Variants in RYR2 observed in about 807,000 individuals in gnomAD.
RYR2 encodes ryanodine receptor 2.
Under a neutral mutation model 601.1 loss-of-function variants are expected in RYR2, and 227 were observed. That is an observed-to-expected ratio of 0.38 (90% CI 0.34 to 0.42). The LOEUF (loss-of-function observed/expected upper bound fraction) is 0.42. Among genes scored for constraint, RYR2 ranks in the 10% least tolerant of loss-of-function variants. RYR2 has a pLI of 1.00. For missense variants in RYR2, 4,646 were observed against 6,156.5 expected (o/e 0.75, Z 8.21); for synonymous variants, 2,223 against 2,175.1 (o/e 1.02, Z -0.61).
intron 1 of RYR2, among the ~76,000 whole-genome samples, chr1:237,220,403 G>C (rs1404307828): frequency 6.6e-6 from 1 of 152,178 alleles, no homozygotes; most frequent in Non-Finnish European, 1.5e-5. Context: ...GTGGTGTGCT[G>C]TTGGCTGCCT....
chr1:237,447,968 C>T (rs1657590818), intron 14 of RYR2, among the ~76,000 whole-genome samples: 1 of 151,654 alleles, frequency 6.6e-6, no homozygotes, highest in East Asian at 1.9e-4. Context: ...CATTCTGTCG[C>T]CCAGACTAGA....
At position 237,614,013 on chromosome 1, in the gene RYR2, T is replaced by TA; in HGVS notation, c.4911-25dup. The TA allele has an allele frequency of 6.3e-7, 1 of 1,586,658 alleles. No individual in the cohort carries two copies. The highest frequency in any genetic ancestry group is 2.2e-5 in the East Asian group (1 of 44,476). On this transcript the variant is annotated intron_variant, in intron 36 of 104. Transcript: ENST00000366574. This position sits in a 1 kb window ranked among gnomAD's most constrained non-coding sequence, Gnocchi z 4.3. ...TTAAAAAATCATTCATTTCTAATCT[T>TA]ACTACCACTCTCCTCCCTTCTACAG...
chr1:237,263,881 T>C (rs776378370), intron 1 of RYR2, among the ~76,000 whole-genome samples: 2 of 151,600 alleles, frequency 1.3e-5, no homozygotes, highest in Non-Finnish European at 2.9e-5. Context: ...CTCAGAAAAA[T>C]TTAAAAAAAG....
intron 12 of RYR2, among the ~76,000 whole-genome samples, chr1:237,427,894 A>G (rs1706354613): frequency 6.6e-6 from 1 of 151,666 alleles, no homozygotes; most frequent in Non-Finnish European, 1.5e-5. Flanking sequence ...ATTGCATGGT[A>G]TTGAAGAGTG....
intron 27 of RYR2, among the ~76,000 whole-genome samples, chr1:237,554,116 G>A (rs1340192573): frequency 6.6e-6 from 1 of 151,904 alleles, no homozygotes; most frequent in Admixed American, 6.6e-5. Context: ...CATTAAGTAT[G>A]ATGTTAAGTA....
At chr1:237,612,684 C>A (rs1182990792) in intron 36 of RYR2, among the ~76,000 whole-genome samples, 2 of 152,008 alleles carry the variant, frequency 1.3e-5, no homozygotes, top group South Asian at 2.1e-4. Flanking sequence ...AAAACAAACA[C>A]AACATTTGGG....
chr1:237,260,839 A>G (rs1469723560), intron 1 of RYR2, among the ~76,000 whole-genome samples: 1 of 152,220 alleles, frequency 6.6e-6, no homozygotes, highest in Non-Finnish European at 1.5e-5. Flanking sequence ...GTCATGGAAC[A>G]ATGATAAACA....
intron 22 of RYR2, among the ~76,000 whole-genome samples, chr1:237,504,354 G>T (rs1010456337): frequency 2.4e-4 from 36 of 152,108 alleles, no homozygotes; most frequent in Non-Finnish European, 3.8e-4. Flanking sequence ...GGCAGGGGTG[G>T]ATCTCACAAA....
In RYR2 at chr1:237,242,198, T is replaced by TTTTTGTTTG. The variant is rs928421124; in HGVS notation, c.49-28296_49-28295insTGTTTGTTT. On this transcript the variant is annotated intron_variant, in intron 1 of 104. Coordinates refer to ENST00000366574, the MANE Select transcript of RYR2 (RefSeq NM_001035.3). ...TAAACAGTATTTTGATCACTGTTTTTTTTGTTTGTTTGTTTGTTTGTTTGT... is the reference window on the plus strand; with the variant it reads ...TAAACAGTATTTTGATCACTGTTTTTTTTTGTTTGTTTGTTTGTTTGTTTGTTTGTTTGT... 3.7e-3 allele frequency among the ~76,000 whole-genome samples: 561 copies of TTTTTGTTTG among 150,604 alleles called. 4 individuals are homozygous for TTTTTGTTTG. Among genetic ancestry groups the TTTTTGTTTG allele is most frequent in the African/African-American group, 0.013 (533 of 40,868 alleles).
At chr1:237,141,244 AG>A (rs1673358583) in intron 1 of RYR2, among the ~76,000 whole-genome samples, 1 of 152,208 alleles carries the variant, frequency 6.6e-6, no homozygotes, top group Non-Finnish European at 1.5e-5. Flanking sequence ...TGACTTCAAG[AG>A]GGATTTCTAA....
chr1:237,299,506 A>C (rs1421958108), intron 2 of RYR2, among the ~76,000 whole-genome samples: 1 of 152,200 alleles, frequency 6.6e-6, no homozygotes, highest in Non-Finnish European at 1.5e-5. Context: ...TCAATACTGT[A>C]AAGATAATTT....
intron 62 of RYR2, among the ~76,000 whole-genome samples, chr1:237,683,344 C>T (rs924990477): frequency 3.9e-5 from 6 of 152,124 alleles, no homozygotes; most frequent in Admixed American, 1.3e-4. Context: ...TTTGCTGTAT[C>T]GAAGGTCAGT....
chr1:237,705,114 A>G, intron 66 of RYR2, 99 bp from the exon 67 acceptor site: 1 of 1,045,964 alleles, frequency 9.6e-7, no homozygotes. Flanking sequence ...ATTAGGACCA[A>G]TATTATCATT....
chr1:237,602,094 G>A lies in RYR2; in HGVS notation c.4666G>A (p.Glu1556Lys), dbSNP rs1048532590. ...QATSPNVFQF[E>K]LGRIKNVMPL... ...TACAAGTCCCAATGTTTTCCAGTTT[G>A]AGTTGGGAAGAATAAAGGTAATAAA... The change falls in exon 35 of 105, where the codon GAG (glutamate) becomes AAG (lysine). Residue 1556 changes from glutamate to lysine, a missense_variant. Physicochemically the swap from Glu to Lys is moderately conservative, Grantham distance 56. Around this residue, in one of 17 missense-constraint regions of RYR2, gnomAD observed 1,807 missense variants for 2,088.1 expected, o/e 0.87. Coordinates refer to ENST00000366574, the MANE Select transcript of RYR2 (RefSeq NM_001035.3). 10 of 1,612,292 alleles carry A rather than the reference G, an allele frequency of 6.2e-6. No homozygotes were observed. The highest frequency in any genetic ancestry group is 1.7e-5 in the Admixed American group (1 of 59,874).
intron 12 of RYR2, among the ~76,000 whole-genome samples, chr1:237,431,119 A>C (rs1208350416): frequency 6.6e-6 from 1 of 152,214 alleles, no homozygotes; most frequent in African/African-American, 2.4e-5. Flanking sequence ...TCATTCATAC[A>C]GGTAATTTCA....
intron 27 of RYR2, among the ~76,000 whole-genome samples, chr1:237,556,153 AT>A (rs1670850706): frequency 6.6e-6 from 1 of 152,052 alleles, no homozygotes; most frequent in Non-Finnish European, 1.5e-5. Context: ...TTGCTACCTT[AT>A]GGGTACCTAC....
rs1466540427 is a variant in RYR2 at position 237,635,743 on chromosome 1, G to A, written c.6792+751G>A. ...AGTAAAAATCAAAGATGTTGCAATA[G>A]CTCCTACATCATCTGTTCCTACATA... On this transcript the variant is annotated intron_variant, in intron 44 of 104. Transcript: ENST00000366574. Among the ~76,000 whole-genome samples, 3 of 152,248 alleles carry A rather than the reference G, an allele frequency of 2.0e-5. No homozygotes were observed. The East Asian group carries it at 5.8e-4, about 29-fold the overall frequency.
intron 2 of RYR2, among the ~76,000 whole-genome samples, chr1:237,298,710 GATTT>G (rs1323988341): frequency 6.6e-6 from 1 of 151,860 alleles, no homozygotes; most frequent in Admixed American, 6.6e-5. Context: ...TTTTTTTAAA[GATTT>G]ATTAGCTGGA....
intron 1 of RYR2, among the ~76,000 whole-genome samples, chr1:237,202,223 A>G (rs534514413): frequency 6.6e-6 from 1 of 152,252 alleles, no homozygotes; most frequent in East Asian, 1.9e-4. Flanking sequence ...TATGCCTATG[A>G]ATATATTTTT....
Sources: allele counts gnomAD v4.1 joint callset (sites outside exome capture counted in the v4.1 genomes callset), GRCh38; gene constraint gnomAD v4.1.1; regional missense constraint gnomAD v4.1.1; non-coding constraint Gnocchi (gnomAD v3.1); transcripts MANE v1.5; gene names NCBI Gene and HGNC (gene_info 2026-07-23, HGNC 2026-07-21).